Variants in RFX3 observed in about 807,000 individuals in gnomAD.
RFX3 encodes the protein regulatory factor X3.
A neutral mutation model predicts 98.6 loss-of-function variants in RFX3; 14 were observed. The ratio of observed to expected loss-of-function variants is 0.14; its 90% CI spans 0.09 to 0.22. RFX3 has a LOEUF of 0.22. Among genes scored for constraint, RFX3 ranks in the 10% least tolerant of loss-of-function variants. The pLI is 1.00. For synonymous variants in RFX3, 383 were observed against 328.4 expected, an observed-to-expected ratio of 1.17 and a Z score of -1.80; for missense variants, 639 against 926.9, an observed-to-expected ratio of 0.69 and a Z score of 4.03.
At chr9:3,270,185 C>A (rs1311468124) in intron 11 of RFX3, among the ~76,000 whole-genome samples, 186 bp downstream of exon 11, 6 of 151,468 alleles carry the variant, frequency 4.0e-5, no homozygotes, top group African/African-American at 1.5e-4. Flanking sequence ...AAAAATAGAT[C>A]ATCTGTTCCC....
At chr9:3,486,377 C>T (rs181116640) in intron 1 of RFX3, among the ~76,000 whole-genome samples, 239 of 152,124 alleles carry the variant, frequency 1.6e-3, no homozygotes, top group African/African-American at 5.4e-3. Flanking sequence ...TCGATTTTAG[C>T]TGGGAGTTTG....
At chr9:3,225,380 G>A in intron 16 of RFX3, 100 bp from the exon 17 acceptor site, 2 of 1,499,764 alleles carry the variant, frequency 1.3e-6, no homozygotes, top group African/African-American at 1.4e-5. Context: ...CATTACGAAA[G>A]CAACAGCTTA....
At chr9:3,304,457 C>T (rs891344664) in intron 4 of RFX3, among the ~76,000 whole-genome samples, 21 of 151,884 alleles carry the variant, frequency 1.4e-4, no homozygotes, top group African/African-American at 4.6e-4. Context: ...TACACATGGT[C>T]ATATATATGA....
intron 2 of RFX3, among the ~76,000 whole-genome samples, chr9:3,370,446 C>A (rs1291563167): frequency 6.6e-6 from 1 of 151,602 alleles, no homozygotes; most frequent in Non-Finnish European, 1.5e-5. Context: ...CCTTTCAAAT[C>A]TTCTATGAAG....
chr9:3,353,539 G>A (rs1249313427), intron 2 of RFX3, among the ~76,000 whole-genome samples: 3 of 151,968 alleles, frequency 2.0e-5, no homozygotes, highest in African/African-American at 7.2e-5. Context: ...TGGTAAGACT[G>A]TAGTGAACAC....
In RFX3 at chr9:3,337,675, T is replaced by C. The variant is rs896951974; in HGVS notation, c.216-7158A>G. On this transcript the variant is annotated intron_variant, in intron 3 of 16. Coordinates refer to ENST00000617270, the MANE Select transcript of RFX3 (RefSeq NM_001282116.2). Reference sequence around the variant, plus strand: ...TGTCTGTACTGCACTATCTCTGTGCTACGGTTTTGTGCATGGTCTGGCTGC... The same window carrying C: ...TGTCTGTACTGCACTATCTCTGTGCCACGGTTTTGTGCATGGTCTGGCTGC... Among the ~76,000 whole-genome samples, 50 of 152,220 alleles carry C rather than the reference T, an allele frequency of 3.3e-4. 1 individual carries two copies. The highest frequency in any genetic ancestry group is 2.6e-3 in the Admixed American group (40 of 15,278).
chr9:3,249,617 T>C (rs1821118721), intron 14 of RFX3, among the ~76,000 whole-genome samples: 1 of 152,154 alleles, frequency 6.6e-6, no homozygotes, highest in Admixed American at 6.5e-5. Context: ...GCAATTATTA[T>C]ATGATGATGG....
At chr9:3,440,122 A>C (rs963997390) in intron 1 of RFX3, among the ~76,000 whole-genome samples, 1 of 152,114 alleles carries the variant, frequency 6.6e-6, no homozygotes, top group Non-Finnish European at 1.5e-5. Context: ...TATTAAAGAA[A>C]TCTATTAACA....
intron 1 of RFX3, among the ~76,000 whole-genome samples, chr9:3,450,006 T>C (rs1392555996): frequency 6.6e-6 from 1 of 152,240 alleles, no homozygotes; most frequent in African/African-American, 2.4e-5. Context: ...TTTTTATAGT[T>C]TATGCATTCA....
chr9:3,254,415 C>T (rs556713353), intron 14 of RFX3, among the ~76,000 whole-genome samples: 5 of 152,276 alleles, frequency 3.3e-5, no homozygotes, highest in African/African-American at 9.6e-5. Flanking sequence ...AGTTTTGGAA[C>T]AGCCAGTCAG....
At chr9:3,244,162 C>T (rs867437725) in intron 15 of RFX3, among the ~76,000 whole-genome samples, 14 of 151,856 alleles carry the variant, frequency 9.2e-5, no homozygotes, top group African/African-American at 3.1e-4. Context: ...GCCACCACGC[C>T]CGCCTAATTT....
chr9:3,314,262 C>T (rs1367057921), intron 4 of RFX3, among the ~76,000 whole-genome samples: 1 of 152,014 alleles, frequency 6.6e-6, no homozygotes, highest in African/African-American at 2.4e-5. Flanking sequence ...ATTTCATATC[C>T]AGCCAAACTA....
chr9:3,244,212 G>T (rs552483558), intron 15 of RFX3, among the ~76,000 whole-genome samples: 1 of 151,822 alleles, frequency 6.6e-6, no homozygotes, highest in African/African-American at 2.4e-5. Flanking sequence ...CACCATATTG[G>T]TTAGGCTGGT....
intron 4 of RFX3, among the ~76,000 whole-genome samples, chr9:3,315,034 T>C (rs1363555958): frequency 6.6e-6 from 1 of 152,136 alleles, no homozygotes; most frequent in Non-Finnish European, 1.5e-5. Flanking sequence ...CTAATAGACA[T>C]CTACAGAACT....
intron 1 of RFX3, among the ~76,000 whole-genome samples, chr9:3,447,270 T>A (rs1157055219): frequency 6.6e-6 from 1 of 152,040 alleles, no homozygotes; most frequent in Non-Finnish European, 1.5e-5. Flanking sequence ...ACTCAGTCAA[T>A]AACAGTGGAC....
intron 6 of RFX3, among the ~76,000 whole-genome samples, chr9:3,290,214 A>G (rs80137744): frequency 6.6e-6 from 1 of 151,812 alleles, no homozygotes; most frequent in Non-Finnish European, 1.5e-5. Flanking sequence ...AAAAAAAAAA[A>G]CAGGAGACAT....
chr9:3,420,298 A>C (rs537811712), intron 1 of RFX3, among the ~76,000 whole-genome samples: 1 of 152,310 alleles, frequency 6.6e-6, no homozygotes, highest in African/African-American at 2.4e-5. Context: ...TCATGAAACC[A>C]AATGCCCCTA....
At chr9:3,405,806 C>T (rs1841908474) in intron 1 of RFX3, among the ~76,000 whole-genome samples, 1 of 152,080 alleles carries the variant, frequency 6.6e-6, no homozygotes, top group South Asian at 2.1e-4. Context: ...TTCTCAGTGC[C>T]CTCAGGATAA....
chr9:3,251,367 G>C (rs1389595469), intron 14 of RFX3, among the ~76,000 whole-genome samples: 7 of 151,264 alleles, frequency 4.6e-5, no homozygotes, highest in Non-Finnish European at 1.0e-4. Flanking sequence ...TTTTTTTAGA[G>C]ACAGGGGTCT....
Sources: allele counts gnomAD v4.1 joint callset (sites outside exome capture counted in the v4.1 genomes callset), GRCh38; gene constraint gnomAD v4.1.1; transcripts MANE v1.5; gene names NCBI Gene and HGNC (gene_info 2026-07-23, HGNC 2026-07-21).